Variants in SCUBE2 observed in about 807,000 individuals in gnomAD.
SCUBE2 encodes signal peptide, CUB domain and EGF like domain containing 2.
In SCUBE2, 114 loss-of-function variants were observed where a neutral mutation model predicts 125.9. That is an observed-to-expected ratio of 0.91 (90% CI 0.78 to 1.06). SCUBE2 has a LOEUF of 1.06. Among genes scored for constraint, SCUBE2 ranks in the 50% least tolerant of loss-of-function variants. The pLI, the probability that SCUBE2 is intolerant of heterozygous loss-of-function variation, is 0.00. For synonymous variants in SCUBE2, 459 were observed against 492.9 expected (o/e 0.93, Z 0.91); for missense variants, 1,255 against 1,301.8 (o/e 0.96, Z 0.55).
At chr11:9,076,550 C>T (rs892572377) in intron 3 of SCUBE2, among the ~76,000 whole-genome samples, 2 of 151,786 alleles carry the variant, frequency 1.3e-5, no homozygotes, top group South Asian at 2.1e-4. Flanking sequence ...TAGCATCACC[C>T]GAGCCAGAGA....
intron 3 of SCUBE2, among the ~76,000 whole-genome samples, chr11:9,077,679 T>G (rs1280866216): frequency 6.6e-6 from 1 of 152,228 alleles, no homozygotes; most frequent in Non-Finnish European, 1.5e-5. Flanking sequence ...CTCTTCCAAA[T>G]GTACTTCATT....
chr11:9,060,032 GA>G (rs1449019615), intron 8 of SCUBE2, among the ~76,000 whole-genome samples: 1 of 152,132 alleles, frequency 6.6e-6, no homozygotes, highest in Non-Finnish European at 1.5e-5. Context: ...AAGTCCTCTG[GA>G]TAATCATCTT....
intron 16 of SCUBE2, 37 bp downstream of exon 16, chr11:9,047,318 AG>A: frequency 6.2e-7 from 1 of 1,608,918 alleles, no homozygotes; most frequent in Non-Finnish European, 8.5e-7. Flanking sequence ...ATGGAGCCCA[AG>A]GCTGTTCTGT....
At chr11:9,040,209 C>T (rs1351735601) in intron 16 of SCUBE2, among the ~76,000 whole-genome samples, 1 of 152,190 alleles carries the variant, frequency 6.6e-6, no homozygotes, top group Non-Finnish European at 1.5e-5. Context: ...AGGGGTTTTC[C>T]TATGCGTGCT....
At chr11:9,067,027 G>A (rs1797632611) in intron 5 of SCUBE2, among the ~76,000 whole-genome samples, 1 of 152,194 alleles carries the variant, frequency 6.6e-6, no homozygotes, top group African/African-American at 2.4e-5. Context: ...GCTGAAACAT[G>A]GGTTTAAACA....
chr11:9,077,395 C>T (rs1861289419), intron 3 of SCUBE2, among the ~76,000 whole-genome samples: 1 of 152,214 alleles, frequency 6.6e-6, no homozygotes, highest in African/African-American at 2.4e-5. Flanking sequence ...ATGGGGTGAG[C>T]TGTATAGAAG....
intron 15 of SCUBE2, 67 bp from the exon 16 acceptor site, chr11:9,047,629 C>A (rs1417595265): frequency 9.5e-6 from 14 of 1,471,108 alleles, no homozygotes; most frequent in Non-Finnish European, 1.3e-5. Flanking sequence ...ATGGCCAGAT[C>A]AACTGCAGGC....
At chr11:9,045,316 T>G (rs1045115698) in intron 16 of SCUBE2, among the ~76,000 whole-genome samples, 1 of 152,164 alleles carries the variant, frequency 6.6e-6, no homozygotes, top group Non-Finnish European at 1.5e-5. Flanking sequence ...TCATCTTTAC[T>G]GTATACATTT....
intron 2 of SCUBE2, among the ~76,000 whole-genome samples, chr11:9,085,100 A>G (rs1015272782): frequency 6.6e-6 from 1 of 152,196 alleles, no homozygotes; most frequent in African/African-American, 2.4e-5. Flanking sequence ...AGTACTCATC[A>G]AAAGTGTCAA....
rs1156770465 is a variant in SCUBE2, at chr11:9,091,385, C to T, written c.133+11G>A. Reference sequence around the variant, plus strand: ...GCTGTGCCAGGTGCGCCCCCGCGGCCGGACACTCACCCTCCTGCGGCCCCG... The same window carrying T: ...GCTGTGCCAGGTGCGCCCCCGCGGCTGGACACTCACCCTCCTGCGGCCCCG... On this transcript the variant is annotated intron_variant, in intron 1 of 22. Transcript: ENST00000649792. This position sits in a 1 kb window ranked among gnomAD's most constrained non-coding sequence, Gnocchi z 8.5. 6.9e-6 allele frequency: 9 copies of T among 1,309,992 alleles called. No individual in the cohort carries two copies. In the African/African-American group the frequency reaches 1.4e-4, roughly 20 times the overall value. 81.1% of individuals were successfully genotyped at this position (1,309,992 alleles called of 1,614,324 possible).
chr11:9,090,217 CTG>C (rs1862519026), intron 1 of SCUBE2: 1 of 161,348 alleles, frequency 6.2e-6, no homozygotes, highest in African/African-American at 2.4e-5. Flanking sequence ...TGACAACAGA[CTG>C]CGTCTGTGTC....
chr11:9,043,353 G>A (rs1259523621), intron 16 of SCUBE2, among the ~76,000 whole-genome samples: 1 of 152,028 alleles, frequency 6.6e-6, no homozygotes, highest in Non-Finnish European at 1.5e-5. Flanking sequence ...CTGGTATTAT[G>A]AAAGTACAAT....
chr11:9,055,688 AC>A (rs1334211107), intron 10 of SCUBE2, 104 bp downstream of exon 10: 12 of 812,882 alleles, frequency 1.5e-5, no homozygotes, highest in Admixed American at 5.5e-5. Flanking sequence ...ACTGCAATGT[AC>A]CTTTCATACC....
At chr11:9,047,238 G>T in intron 16 of SCUBE2, 118 bp downstream of exon 16, 1 of 992,500 alleles carries the variant, frequency 1.0e-6, no homozygotes, top group East Asian at 2.5e-5. Flanking sequence ...GCACTGCCCG[G>T]AGTGTTCTCT....
intron 16 of SCUBE2, among the ~76,000 whole-genome samples, chr11:9,046,139 T>G (rs1226420232): frequency 6.6e-6 from 1 of 151,542 alleles, no homozygotes; most frequent in African/African-American, 2.4e-5. Flanking sequence ...CCCGAATAGC[T>G]GGGAGTATAG....
At chr11:9,081,064 T>G (rs552130852) in intron 2 of SCUBE2, among the ~76,000 whole-genome samples, 2 of 152,316 alleles carry the variant, frequency 1.3e-5, no homozygotes, top group East Asian at 3.9e-4. Context: ...TTCACTAGAA[T>G]GGTAATAATT....
chr11:9,086,360 G>C lies in SCUBE2; in HGVS notation c.256+3347C>G, dbSNP rs1046763288. ...CCTGAACTTAAATATGAGTAGTGAA[G>C]CTGGCAATAATCACAACCCAAATGA... On this transcript the variant is annotated intron_variant, in intron 2 of 22. Transcript: ENST00000649792. Among the ~76,000 whole-genome samples, 6 of 152,308 alleles carry C rather than the reference G, an allele frequency of 3.9e-5. No individual in the cohort carries two copies. The East Asian group carries it at 7.7e-4, about 20-fold the overall frequency.
At chr11:9,056,170 C>A (rs952011438) in intron 9 of SCUBE2, among the ~76,000 whole-genome samples, 4 of 152,226 alleles carry the variant, frequency 2.6e-5, no homozygotes, top group African/African-American at 9.6e-5. Flanking sequence ...GTCTCTTTCA[C>A]CCATGCGTAC....
chr11:9,051,110 C>G (rs1014460902), intron 13 of SCUBE2, among the ~76,000 whole-genome samples: 1 of 152,178 alleles, frequency 6.6e-6, no homozygotes, highest in African/African-American at 2.4e-5. Context: ...TTGCAGTGAG[C>G]TGAGATTGCA....
Sources: allele counts gnomAD v4.1 joint callset (sites outside exome capture counted in the v4.1 genomes callset), GRCh38; gene constraint gnomAD v4.1.1; non-coding constraint Gnocchi (gnomAD v3.1); transcripts MANE v1.5; gene names NCBI Gene and HGNC (gene_info 2026-07-23, HGNC 2026-07-21).